Variants in LRRTM4 observed in about 807,000 individuals in gnomAD.
LRRTM4 encodes the protein leucine rich repeat transmembrane neuronal 4, also known as leucine-rich repeat transmembrane neuronal protein 4.
A neutral mutation model predicts 47.6 loss-of-function variants in LRRTM4; 25 were observed. The observed-to-expected ratio is 0.53, with a 90% confidence interval of 0.38 to 0.73. The LOEUF (loss-of-function observed/expected upper bound fraction) is 0.73. Among genes scored for constraint, LRRTM4 ranks in the 30% least tolerant of loss-of-function variants. The pLI is 0.00. For missense variants in LRRTM4, 638 were observed against 713.4 expected, an observed-to-expected ratio of 0.89 and a Z score of 1.20; for synonymous variants, 311 against 269.5, an observed-to-expected ratio of 1.15 and a Z score of -1.51.
intron 3 of LRRTM4, among the ~76,000 whole-genome samples, chr2:76,817,227 C>A (rs1670928418): frequency 6.6e-6 from 1 of 151,736 alleles, no homozygotes; most frequent in African/African-American, 2.4e-5. Context: ...ATCAATGAAT[C>A]AAGAAATTGC....
chr2:77,178,327 C>T (rs1228835472), intron 3 of LRRTM4, among the ~76,000 whole-genome samples: 1 of 152,138 alleles, frequency 6.6e-6, no homozygotes, highest in Non-Finnish European at 1.5e-5. Context: ...GTGGCTCATG[C>T]CTGTAATCCC....
At chr2:76,911,891 C>A (rs1204527271) in intron 3 of LRRTM4, among the ~76,000 whole-genome samples, 1 of 144,772 alleles carries the variant, frequency 6.9e-6, no homozygotes, top group Non-Finnish European at 1.5e-5. Context: ...CTCCACAACC[C>A]TACTAACATG....
At chr2:77,327,416 G>A (rs10179576) in intron 3 of LRRTM4, among the ~76,000 whole-genome samples, 33,268 of 151,898 alleles carry the variant, frequency 0.22, 3,970 homozygotes, top group East Asian at 0.41. Context: ...GTGATTTGTA[G>A]CCTATCCATA....
chr2:77,485,421 T>C (rs984288303), intron 3 of LRRTM4, among the ~76,000 whole-genome samples: 1 of 152,196 alleles, frequency 6.6e-6, no homozygotes, highest in East Asian at 1.9e-4. Flanking sequence ...AAGAAAACAA[T>C]GAACAAAGAC....
At chr2:76,825,566 C>G (rs1335753374) in intron 3 of LRRTM4, among the ~76,000 whole-genome samples, 1 of 151,572 alleles carries the variant, frequency 6.6e-6, no homozygotes, top group African/African-American at 2.4e-5. Flanking sequence ...GCTATGGAAG[C>G]AAGTAAAAAA....
intron 3 of LRRTM4, among the ~76,000 whole-genome samples, chr2:77,036,326 A>C (rs17013635): frequency 0.2 from 30,062 of 151,690 alleles, 3,142 homozygotes; most frequent in Admixed American, 0.27. Context: ...TTACAATTTC[A>C]TGGACTAGAG....
intron 3 of LRRTM4, among the ~76,000 whole-genome samples, chr2:77,224,880 T>C (rs947522290): frequency 7.2e-5 from 11 of 152,074 alleles, no homozygotes; most frequent in South Asian, 2.1e-4. Flanking sequence ...ACCCAAAAGA[T>C]TGTAAATCAT....
intron 3 of LRRTM4, among the ~76,000 whole-genome samples, chr2:77,382,008 C>T (rs1175488155): frequency 2.0e-5 from 3 of 151,962 alleles, no homozygotes; most frequent in Non-Finnish European, 4.4e-5. Flanking sequence ...TCATCTACAT[C>T]GTTTCCATGT....
chr2:77,062,943 AATT>A lies in LRRTM4; in HGVS notation c.1552-314030_1552-314028del, dbSNP rs768649209. Among the ~76,000 whole-genome samples the A allele has an allele frequency of 3.9e-4, 56 of 142,074 alleles. 1 individual carries two copies. Among genetic ancestry groups the A allele is most frequent in the Admixed American group, 1.2e-3 (16 of 12,904 alleles). 93.2% of individuals were successfully genotyped at this position (142,074 alleles called of 152,430 possible). On this transcript the variant is annotated intron_variant, in intron 3 of 3. Coordinates refer to ENST00000409884, the MANE Select transcript of LRRTM4 (RefSeq NM_001134745.3). Reference sequence around the variant, plus strand: ...TTCAGTTCCTCTTGTTCTTTTTTAAAATTATTATTATCTTTTTTTTTTTTTTTT... The same window carrying A: ...TTCAGTTCCTCTTGTTCTTTTTTAAAATTATTATCTTTTTTTTTTTTTTTT...
At chr2:77,087,931 T>C (rs1680779418) in intron 3 of LRRTM4, among the ~76,000 whole-genome samples, 1 of 152,178 alleles carries the variant, frequency 6.6e-6, no homozygotes, top group African/African-American at 2.4e-5. Flanking sequence ...GTTCCCTTTT[T>C]CCAGAGGCAA....
rs930646309 is a variant in LRRTM4 at position 77,267,164 on chromosome 2, T to C, written c.1551+251154A>G. Among the ~76,000 whole-genome samples, 70 of 152,284 alleles carry C rather than the reference T, an allele frequency of 4.6e-4. 1 individual carries two copies. The highest frequency in any genetic ancestry group is 1.6e-3 in the African/African-American group (68 of 41,580). On this transcript the variant is annotated intron_variant, in intron 3 of 3. Transcript: ENST00000409884. The stretch of plus-strand genomic sequence containing the variant: ...CCCAGAAAGCAGAAAATGAAGCAAT[T>C]GAAATCAAGAGAATAGAATCGAATA...
intron 3 of LRRTM4, among the ~76,000 whole-genome samples, chr2:77,084,193 A>G (rs1680632491): frequency 6.6e-6 from 1 of 152,158 alleles, no homozygotes; most frequent in Non-Finnish European, 1.5e-5. Context: ...GGAAACTTTC[A>G]ATGAACATTA....
intron 3 of LRRTM4, among the ~76,000 whole-genome samples, chr2:77,185,356 T>C (rs548586990): frequency 1.3e-5 from 2 of 152,226 alleles, no homozygotes; most frequent in South Asian, 2.1e-4. Flanking sequence ...TCAAAACAGC[T>C]CTATCAGTGA....
At chr2:77,136,947 A>G (rs1293046613) in intron 3 of LRRTM4, among the ~76,000 whole-genome samples, 1 of 151,910 alleles carries the variant, frequency 6.6e-6, no homozygotes, top group East Asian at 1.9e-4. Flanking sequence ...AAAGAAATGA[A>G]CAAAGCCTCC....
At chr2:77,158,951 G>C (rs561602064) in intron 3 of LRRTM4, among the ~76,000 whole-genome samples, 1 of 151,840 alleles carries the variant, frequency 6.6e-6, no homozygotes, top group South Asian at 2.1e-4. Flanking sequence ...CTTTCACTCC[G>C]TGAATATTCT....
chr2:77,417,033 C>T (rs776342375), intron 3 of LRRTM4, among the ~76,000 whole-genome samples: 3 of 151,736 alleles, frequency 2.0e-5, no homozygotes, highest in African/African-American at 7.3e-5. Context: ...TGATGAACTC[C>T]AACAAATTTA....
At chr2:77,456,789 A>T (rs1676560748) in intron 3 of LRRTM4, among the ~76,000 whole-genome samples, 1 of 151,566 alleles carries the variant, frequency 6.6e-6, no homozygotes, top group Admixed American at 6.6e-5. Flanking sequence ...CATTCTTAAC[A>T]TTTATCAGTT....
chr2:77,045,938 T>G (rs1679220050), intron 3 of LRRTM4, among the ~76,000 whole-genome samples: 1 of 151,980 alleles, frequency 6.6e-6, no homozygotes, highest in South Asian at 2.1e-4. Context: ...ACATTACATT[T>G]GATTGTTATA....
intron 3 of LRRTM4, among the ~76,000 whole-genome samples, chr2:77,384,163 A>T (rs1673168102): frequency 6.6e-6 from 1 of 152,066 alleles, no homozygotes; most frequent in South Asian, 2.1e-4. Context: ...TGATAGAGCC[A>T]GAAATATATC....
Sources: gnomAD v4.1 joint callset for allele counts (sites outside exome capture counted in the v4.1 genomes callset) on GRCh38, gnomAD v4.1.1 for gene constraint, MANE v1.5 for transcripts, NCBI Gene and HGNC (gene_info 2026-07-23, HGNC 2026-07-21) for gene names.